The following C12orf56 variants were observed in gnomAD, a reference collection of about 807,000 sequenced individuals.
C12orf56 encodes chromosome 12 open reading frame 56.
A neutral mutation model predicts 69.9 loss-of-function variants in C12orf56; 71 were observed. The observed-to-expected ratio is 1.02, with a 90% CI of 0.84 to 1.24. The LOEUF (loss-of-function observed/expected upper bound fraction) is 1.24. Among genes scored for constraint, C12orf56 ranks in the 50% most tolerant of loss-of-function variants. The pLI is 0.00. For synonymous variants in C12orf56, 276 were observed against 274.1 expected, an observed-to-expected ratio of 1.01 and a Z score of -0.07; for missense variants, 732 against 738.5, an observed-to-expected ratio of 0.99 and a Z score of 0.10.
chr12:64,284,966 C>T (rs749745884), intron 7 of C12orf56, among the ~76,000 whole-genome samples: 3 of 152,160 alleles, frequency 2.0e-5, no homozygotes, highest in Non-Finnish European at 2.9e-5. Context: ...GCTGGTCGGG[C>T]GGGGTAGCTA....
At chr12:64,342,537 C>T (rs905124502) in intron 2 of C12orf56, among the ~76,000 whole-genome samples, 1 of 152,192 alleles carries the variant, frequency 6.6e-6, no homozygotes, top group Non-Finnish European at 1.5e-5. Flanking sequence ...AAACCATGGG[C>T]ATTTGAGCCA....
intron 9 of C12orf56, among the ~76,000 whole-genome samples, chr12:64,277,269 G>A (rs532101723): frequency 6.6e-6 from 1 of 152,094 alleles, no homozygotes; most frequent in South Asian, 2.1e-4. Context: ...TAGGAAAATG[G>A]TAAAGTATAA....
chr12:64,378,382 T>C (rs543050800), intron 1 of C12orf56, among the ~76,000 whole-genome samples: 5 of 152,250 alleles, frequency 3.3e-5, no homozygotes, highest in Admixed American at 1.3e-4. Flanking sequence ...TGTGCTGAGA[T>C]GGATGAGATG....
chr12:64,273,652 T>C (rs2038017368), intron 11 of C12orf56, among the ~76,000 whole-genome samples: 1 of 152,222 alleles, frequency 6.6e-6, no homozygotes, highest in South Asian at 2.1e-4. Flanking sequence ...GGTTGATTAC[T>C]CATTCACACT....
intron 6 of C12orf56, among the ~76,000 whole-genome samples, chr12:64,297,657 G>A (rs764036670): frequency 1.3e-5 from 2 of 152,140 alleles, no homozygotes; most frequent in Non-Finnish European, 2.9e-5. Context: ...CTGTTCTTGT[G>A]TTAGTTTGCT....
intron 6 of C12orf56, among the ~76,000 whole-genome samples, chr12:64,302,110 C>T (rs968004525): frequency 6.6e-6 from 1 of 152,164 alleles, no homozygotes; most frequent in Non-Finnish European, 1.5e-5. Flanking sequence ...TTACCCTTTC[C>T]ACATGAATTC....
intron 2 of C12orf56, among the ~76,000 whole-genome samples, chr12:64,333,412 C>G (rs2038955660): frequency 6.6e-6 from 1 of 150,882 alleles, no homozygotes; most frequent in South Asian, 2.1e-4. Flanking sequence ...CTTTTTTGTG[C>G]GAAGTCATTA....
At chr12:64,384,078 C>T (rs2039756610) in intron 1 of C12orf56, among the ~76,000 whole-genome samples, 1 of 152,200 alleles carries the variant, frequency 6.6e-6, no homozygotes, top group African/African-American at 2.4e-5. Context: ...CTCAACTGAT[C>T]TTCATAACAA....
intron 8 of C12orf56, among the ~76,000 whole-genome samples, chr12:64,282,833 A>C (rs1438490454): frequency 1.3e-5 from 2 of 151,864 alleles, no homozygotes; most frequent in African/African-American, 4.8e-5. Flanking sequence ...GCAAGTGAGC[A>C]AGTGTACTTA....
intron 1 of C12orf56, among the ~76,000 whole-genome samples, chr12:64,365,976 T>C (rs1428024011): frequency 4.6e-5 from 6 of 129,588 alleles, no homozygotes; most frequent in Non-Finnish European, 9.2e-5. Flanking sequence ...ATATAATATA[T>C]AGCTTGTATA....
chr12:64,347,326 C>T (rs1592474440), intron 2 of C12orf56, among the ~76,000 whole-genome samples: 1 of 144,650 alleles, frequency 6.9e-6, no homozygotes, highest in South Asian at 2.2e-4. Flanking sequence ...TGCTCTGTCT[C>T]CCAGGCTGGA....
intron 2 of C12orf56, 149 bp downstream of exon 2, chr12:64,352,745 T>G (rs1201781609): frequency 1.7e-6 from 1 of 583,208 alleles, no homozygotes; most frequent in African/African-American, 2.0e-5. Flanking sequence ...TCTTTCAATG[T>G]GTCCCCATGC....
At chr12:64,310,655 T>G (rs2038594713) in intron 5 of C12orf56, among the ~76,000 whole-genome samples, 1 of 152,194 alleles carries the variant, frequency 6.6e-6, no homozygotes, top group Admixed American at 6.5e-5. Context: ...CATTATACAC[T>G]TCTGAATTTT....
chr12:64,366,962 T>C (rs1453270381), intron 1 of C12orf56, among the ~76,000 whole-genome samples: 1 of 118,598 alleles, frequency 8.4e-6, no homozygotes, highest in African/African-American at 3.3e-5. Context: ...ATATTATATA[T>C]AACATACACT....
At chr12:64,300,884 C>A (rs931982104) in intron 6 of C12orf56, among the ~76,000 whole-genome samples, 5 of 152,162 alleles carry the variant, frequency 3.3e-5, no homozygotes, top group Non-Finnish European at 5.9e-5. Flanking sequence ...TGTTCCCACC[C>A]AAATCTCATC....
chr12:64,339,297 C>T (rs2039041725), intron 2 of C12orf56, among the ~76,000 whole-genome samples: 1 of 152,174 alleles, frequency 6.6e-6, no homozygotes, highest in African/African-American at 2.4e-5. Flanking sequence ...CTCCCCTTTA[C>T]CACAAGCACC....
At chr12:64,312,122 G>C (rs1017855095) in intron 5 of C12orf56, among the ~76,000 whole-genome samples, 2 of 152,138 alleles carry the variant, frequency 1.3e-5, no homozygotes, top group African/African-American at 4.8e-5. Context: ...CCCTGTGTTA[G>C]GAAGCACAAG....
Position 64,390,488 on chromosome 12 carries a change from C to T in C12orf56, c.78G>A (p.Pro26=), listed in dbSNP as rs758082028. 1.2e-6 allele frequency: 2 copies of T among 1,602,924 alleles called. No homozygotes were observed. The highest frequency in any genetic ancestry group is 1.7e-6 in the Non-Finnish European group (2 of 1,179,592). Residue 26 remains proline, a synonymous_variant, in exon 1 of 13, where the codon CCG becomes CCA. Coordinates refer to ENST00000543942, the MANE Select transcript of C12orf56 (RefSeq NM_001170633.2). Reference sequence around the variant, plus strand: ...CGCGGACCGCGTCGTAGACCTCGGGCGGCAGATGCCGCCGCAGGAACACAT... The same window carrying T: ...CGCGGACCGCGTCGTAGACCTCGGGTGGCAGATGCCGCCGCAGGAACACAT... The part of the protein sequence containing the change: ...RLDVFLRRHL[P]PEVYDAVRAY...
intron 6 of C12orf56, among the ~76,000 whole-genome samples, chr12:64,300,033 T>C (rs904391568): frequency 6.6e-6 from 1 of 152,146 alleles, no homozygotes; most frequent in Non-Finnish European, 1.5e-5. Flanking sequence ...GAAAGTTCTA[T>C]GGCATGGAAT....
Sources: gnomAD v4.1 joint callset for allele counts (sites outside exome capture counted in the v4.1 genomes callset) on GRCh38, gnomAD v4.1.1 for gene constraint, MANE v1.5 for transcripts, NCBI Gene and HGNC (gene_info 2026-07-23, HGNC 2026-07-21) for gene names.